The following CEP85L variants were observed in gnomAD, a reference collection of about 807,000 sequenced individuals.
The protein encoded by CEP85L is centrosomal protein 85L.
A neutral mutation model predicts 100.3 loss-of-function variants in CEP85L; 60 were observed. That is an observed-to-expected ratio of 0.60 (90% confidence interval 0.49 to 0.74). The LOEUF is 0.74. Ranked by LOEUF, CEP85L falls within the 30% of genes least tolerant of loss-of-function variation. The pLI is 0.00. For synonymous variants in CEP85L, 319 were observed against 322.7 expected (o/e 0.99, Z 0.12); for missense variants, 973 against 936.2 (o/e 1.04, Z -0.51).
chr6:118,645,441 G>A (rs919708052), intron 1 of CEP85L, among the ~76,000 whole-genome samples: 1 of 152,184 alleles, frequency 6.6e-6, no homozygotes, highest in African/African-American at 2.4e-5. Context: ...GGAAGGCCCA[G>A]GCAGGAGATC....
At chr6:118,645,411 T>C (rs1775115781) in intron 1 of CEP85L, among the ~76,000 whole-genome samples, 1 of 152,234 alleles carries the variant, frequency 6.6e-6, no homozygotes, top group Non-Finnish European at 1.5e-5. Context: ...TGGTGGTTCA[T>C]GCCTGTCATC....
intron 5 of CEP85L, among the ~76,000 whole-genome samples, chr6:118,510,370 C>CA (rs1775897559): frequency 6.6e-6 from 1 of 151,072 alleles, no homozygotes; most frequent in Non-Finnish European, 1.5e-5. Context: ...TACAGGGCTC[C>CA]AAAAAACAAT....
chr6:118,532,540 C>A (rs535410407), intron 3 of CEP85L, among the ~76,000 whole-genome samples: 24 of 152,068 alleles, frequency 1.6e-4, no homozygotes, highest in Middle Eastern at 6.8e-3. Flanking sequence ...AGTTTGAGAG[C>A]AAAAAGTAAA....
chr6:118,600,345 G>GTA (rs1562297965), intron 2 of CEP85L, among the ~76,000 whole-genome samples: 2 of 136,310 alleles, frequency 1.5e-5, no homozygotes. Context: ...GTGTGTGTGT[G>GTA]TGTGTGTGTG....
chr6:118,570,912 GCACA>G (rs145594923), intron 2 of CEP85L, among the ~76,000 whole-genome samples: 1 of 150,664 alleles, frequency 6.6e-6, no homozygotes, highest in Admixed American at 6.6e-5. Context: ...ACATACATAT[GCACA>G]CACACACACA....
In CEP85L at chr6:118,603,195, T is replaced by C. The variant is rs1228757472; in HGVS notation, c.232+29258A>G. 2.7e-5 allele frequency among the ~76,000 whole-genome samples: 4 copies of C among 150,238 alleles called. No individual in the cohort carries two copies. In the East Asian group the frequency reaches 6.0e-4, roughly 22 times the overall value. On this transcript the variant is annotated intron_variant, in intron 2 of 12. Coordinates refer to ENST00000368491, the MANE Select transcript of CEP85L (RefSeq NM_001042475.3). Reference sequence around the variant, plus strand: ...AGTAGCTATGAATTGGGTAAATTCCTCTCCTCTTGGGGTCCCAAGATAACT... The same window carrying C: ...AGTAGCTATGAATTGGGTAAATTCCCCTCCTCTTGGGGTCCCAAGATAACT...
At chr6:118,658,951 T>A (rs1306307796) in intron 1 of CEP85L, among the ~76,000 whole-genome samples, 2 of 152,154 alleles carry the variant, frequency 1.3e-5, no homozygotes, top group Non-Finnish European at 2.9e-5. Flanking sequence ...ACAGCCCTAA[T>A]ATTTTGTAGT....
At position 118,464,930 on chromosome 6, in the gene CEP85L, A is replaced by C. The variant is rs1194653734; in HGVS notation, c.*475T>G. On this transcript the variant is annotated 3_prime_UTR_variant, in exon 13 of 13. Coordinates refer to ENST00000368491, the MANE Select transcript of CEP85L (RefSeq NM_001042475.3). ...CACTGAAAATCCCAAAGTACAACAC[A>C]AGCTTCTATATGAAAGAAATATAAG... The C allele has an allele frequency of 6.6e-6, 1 of 152,590 alleles. No individual in the cohort carries two copies. The highest frequency in any genetic ancestry group is 2.4e-5 in the African/African-American group (1 of 41,440). 9.5% of individuals were successfully genotyped at this position (152,590 alleles called of 1,614,324 possible).
chr6:118,473,471 ATAG>A (rs1331886457), intron 10 of CEP85L, among the ~76,000 whole-genome samples: 2 of 152,126 alleles, frequency 1.3e-5, no homozygotes, highest in African/African-American at 2.4e-5. Context: ...ATGGCTGAGA[ATAG>A]TAGGAGAAAG....
chr6:118,526,348 AAC>A (rs1776963527), intron 3 of CEP85L, among the ~76,000 whole-genome samples: 1 of 152,142 alleles, frequency 6.6e-6, no homozygotes, highest in African/African-American at 2.4e-5. Flanking sequence ...TCCAACAAAT[AAC>A]ACAGTTACTC....
At chr6:118,542,297 T>G (rs1777938906) in intron 3 of CEP85L, among the ~76,000 whole-genome samples, 1 of 152,004 alleles carries the variant, frequency 6.6e-6, no homozygotes, top group East Asian at 1.9e-4. Flanking sequence ...TTTTTTAGAG[T>G]TTTTAAAAGC....
intron 1 of CEP85L, among the ~76,000 whole-genome samples, chr6:118,700,526 T>C (rs1233533649): frequency 6.6e-6 from 1 of 152,214 alleles, no homozygotes; most frequent in Admixed American, 6.5e-5. Flanking sequence ...TCTCAATCCA[T>C]TTCCACACAT....
intron 1 of CEP85L, among the ~76,000 whole-genome samples, chr6:118,671,528 T>C (rs1393512567): frequency 6.6e-6 from 1 of 152,210 alleles, no homozygotes; most frequent in Non-Finnish European, 1.5e-5. Context: ...TCAACCCTTT[T>C]GTTGTTGAAA....
chr6:118,596,156 TG>T (rs1025566031), intron 2 of CEP85L, among the ~76,000 whole-genome samples: 4 of 152,174 alleles, frequency 2.6e-5, no homozygotes, highest in Non-Finnish European at 5.9e-5. Flanking sequence ...CTTATAGACC[TG>T]TGGTTAATGG....
chr6:118,489,561 A>G lies in CEP85L; in HGVS notation c.1437+2125T>C, dbSNP rs533253575. Among the ~76,000 whole-genome samples the G allele has an allele frequency of 9.1e-4, 139 of 152,324 alleles. 1 individual carries two copies. The highest frequency in any genetic ancestry group is 3.4e-3 in the Middle Eastern group (1 of 294). On this transcript the variant is annotated intron_variant, in intron 6 of 12. Transcript: ENST00000368491. ...ACAGGTATATGAAAAGATGCTCAAC[A>G]TCACTAATCATCAGGAAAATGCAAA...
chr6:118,508,672 C>T (rs1775798101), intron 5 of CEP85L, among the ~76,000 whole-genome samples: 1 of 151,808 alleles, frequency 6.6e-6, no homozygotes, highest in Non-Finnish European at 1.5e-5. Context: ...GTATGTTTTC[C>T]ATCTATAAAT....
At chr6:118,536,154 A>G (rs1045699627) in intron 3 of CEP85L, among the ~76,000 whole-genome samples, 2 of 152,214 alleles carry the variant, frequency 1.3e-5, no homozygotes, top group Non-Finnish European at 2.9e-5. Flanking sequence ...ACACTAGAAT[A>G]CTATATAGCA....
intron 3 of CEP85L, among the ~76,000 whole-genome samples, chr6:118,562,416 T>C (rs531543843): frequency 3.8e-4 from 58 of 152,320 alleles, no homozygotes; most frequent in Non-Finnish European, 7.4e-4. Flanking sequence ...CAGGCTGGAA[T>C]GCAGTCACAT....
intron 1 of CEP85L, among the ~76,000 whole-genome samples, chr6:118,670,426 T>C (rs1031979118): frequency 1.3e-5 from 2 of 151,230 alleles, no homozygotes; most frequent in African/African-American, 4.9e-5. Context: ...TTCTCTTCTT[T>C]GTGTTTCCTT....
Sources: gnomAD v4.1 joint callset for allele counts (sites outside exome capture counted in the v4.1 genomes callset) on GRCh38, gnomAD v4.1.1 for gene constraint, MANE v1.5 for transcripts, NCBI Gene and HGNC (gene_info 2026-07-23, HGNC 2026-07-21) for gene names.